Variants in PCDHGA11 observed in about 807,000 individuals in gnomAD.
The protein encoded by PCDHGA11 is protocadherin gamma subfamily A, 11.
A neutral mutation model predicts 60.4 loss-of-function variants in PCDHGA11; 39 were observed. The ratio of observed to expected loss-of-function variants is 0.65; its 90% CI spans 0.50 to 0.84. PCDHGA11 has a LOEUF of 0.84. Ranked by LOEUF, PCDHGA11 falls within the 40% of genes least tolerant of loss-of-function variation. PCDHGA11 has a pLI of 0.00. For missense variants in PCDHGA11, 1,165 were observed against 1,197.7 expected (o/e 0.97, Z 0.40); for synonymous variants, 533 against 510.3 (o/e 1.04, Z -0.60).
Position 141,511,002 on chromosome 5 carries a change from C to A in PCDHGA11, c.2637C>A (p.Ser879Arg), listed in dbSNP as rs143630962. The change falls in exon 4 of 4, where the codon AGC becomes AGA. Residue 879 changes from serine to arginine, a missense_variant. Physicochemically the swap from Ser to Arg is moderately radical, Grantham distance 110. Transcript: ENST00000398587. Reference protein sequence around the residue: ...LGGGAGTMGLSARYGPQFTLQ... With the variant: ...LGGGAGTMGLRARYGPQFTLQ... ...GGGGTGCCGGCACCATGGGATTGAG[C>A]GCCCGCTACGGACCCCAGTTCACCC... The A allele has an allele frequency of 8.7e-6, 14 of 1,614,140 alleles. No homozygotes were observed. The highest frequency in any genetic ancestry group is 1.2e-5 in the Non-Finnish European group (14 of 1,180,018).
chr5:141,477,571 C>A lies in PCDHGA11; in HGVS notation c.2434-17236C>A, dbSNP rs1470454976. ...TAAACCTAAGTGTCTGGGACCCCGA[C>A]GCCCCGCAGAATGCTCGGCTTTCTT... is the stretch of plus-strand genomic sequence containing the variant. On this transcript the variant is annotated intron_variant, in intron 1 of 3. Coordinates refer to ENST00000398587, the MANE Select transcript of PCDHGA11 (RefSeq NM_018914.3). The surrounding 1 kb of genome is among the most constrained non-coding windows in gnomAD (Gnocchi z 4.9). The A allele has an allele frequency of 3.1e-6, 5 of 1,614,042 alleles. No homozygotes were observed. In the South Asian group the frequency reaches 4.4e-5, roughly 14 times the overall value.
chr5:141,431,215 CCCTCTACCCCACG>C lies in PCDHGA11; in HGVS notation c.2433+7559_2433+7571del. The C allele has an allele frequency of 6.2e-7, 1 of 1,614,184 alleles. No homozygotes were observed. Among genetic ancestry groups the C allele is most frequent in the Non-Finnish European group, 8.5e-7 (1 of 1,180,048 alleles). On this transcript the variant is annotated intron_variant, in intron 1 of 3. Transcript: ENST00000398587. The surrounding 1 kb of genome is among the most constrained non-coding windows in gnomAD (Gnocchi z 4.8). ...AAAATGCAGCCACTGAGATGCGGTT[CCCTCTACCCCACG>C]CCTGGGATCCGGATATCGGGAAGAA... is the stretch of plus-strand genomic sequence containing the variant.
At position 141,487,447 on chromosome 5, in the gene PCDHGA11, C is replaced by A. The variant is rs758411138; in HGVS notation, c.2434-7360C>A. 4.3e-6 allele frequency: 7 copies of A among 1,614,182 alleles called. No homozygotes were observed. The highest frequency in any genetic ancestry group is 5.9e-6 in the Non-Finnish European group (7 of 1,180,028). Reference sequence around the variant, plus strand: ...TCCGAATCCAGCTAGGGTCAGATGACCCTATCAAGTTTGTTGATGTGGGAG... The same window carrying A: ...TCCGAATCCAGCTAGGGTCAGATGAACCTATCAAGTTTGTTGATGTGGGAG... On this transcript the variant is annotated intron_variant, in intron 1 of 3. Coordinates refer to ENST00000398587, the MANE Select transcript of PCDHGA11 (RefSeq NM_018914.3). The surrounding 1 kb of genome is among the most constrained non-coding windows in gnomAD (Gnocchi z 5.0).
chr5:141,486,019 T>C lies in PCDHGA11; in HGVS notation c.2434-8788T>C, dbSNP rs2078071. 3.2e-3 allele frequency: 5,143 copies of C among 1,613,986 alleles called. 141 individuals carry two copies. In the South Asian group the frequency reaches 0.046, roughly 14 times the overall value. ...GTGGTAACGTCACCTTTTATTTCAG[T>C]GGTCATACCCCTGATCGTGTAAGAA... On this transcript the variant is annotated intron_variant, in intron 1 of 3. Transcript: ENST00000398587. The surrounding 1 kb of genome is among the most constrained non-coding windows in gnomAD (Gnocchi z 5.0).
At chr5:141,483,706 C>T (rs1187078630) in intron 1 of PCDHGA11, among the ~76,000 whole-genome samples, 1 of 151,926 alleles carries the variant, frequency 6.6e-6, no homozygotes, top group African/African-American at 2.4e-5. Context: ...CTTTTTGACA[C>T]CAGAATATTG....
At chr5:141,510,626 AGGTG>A (rs2099882005) in intron 3 of PCDHGA11, among the ~76,000 whole-genome samples, 1 of 152,144 alleles carries the variant, frequency 6.6e-6, no homozygotes, top group Admixed American at 6.5e-5. Context: ...AAACCAGAAG[AGGTG>A]GTTACCATTA....
At chr5:141,441,744 G>A (rs913393900) in intron 1 of PCDHGA11, 7 of 366,408 alleles carry the variant, frequency 1.9e-5, no homozygotes, top group African/African-American at 1.1e-4. Context: ...GCTCGCGCTC[G>A]GCGTCAACGT....
rs1226463441 is a variant in PCDHGA11, at chr5:141,432,906, T to A, written c.2433+9246T>A. 6.2e-7 allele frequency: 1 copy of A among 1,614,176 alleles called. No individual in the cohort carries two copies. The highest frequency in any genetic ancestry group is 8.5e-7 in the Non-Finnish European group (1 of 1,180,002). ...GTCATCTTGCTGCTGGCGCTCAGGC[T>A]GCGGCGCTGGCACAAGTCACGCCTG... On this transcript the variant is annotated intron_variant, in intron 1 of 3. Coordinates refer to ENST00000398587, the MANE Select transcript of PCDHGA11 (RefSeq NM_018914.3). The surrounding 1 kb of genome is among the most constrained non-coding windows in gnomAD (Gnocchi z 6.0).
At chr5:141,481,390 G>A (rs553179819) in intron 1 of PCDHGA11, among the ~76,000 whole-genome samples, 2 of 152,346 alleles carry the variant, frequency 1.3e-5, no homozygotes, top group East Asian at 3.9e-4. Context: ...TTGGAGGGAT[G>A]TGACAAAATT....
chr5:141,487,475 C>A lies in PCDHGA11; in HGVS notation c.2434-7332C>A. 6.2e-7 allele frequency: 1 copy of A among 1,614,156 alleles called. No individual in the cohort carries two copies. The highest frequency in any genetic ancestry group is 8.5e-7 in the Non-Finnish European group (1 of 1,180,032). On this transcript the variant is annotated intron_variant, in intron 1 of 3. Transcript: ENST00000398587. This position sits in a 1 kb window ranked among gnomAD's most constrained non-coding sequence, Gnocchi z 5.0. ...TATCAAGTTTGTTGATGTGGGAGGC[C>A]ACTCTCATGGCTGTACACCCTTGGC...
In PCDHGA11 at chr5:141,422,727, G is replaced by T. The variant is rs373180311; in HGVS notation, c.1500G>T (p.Val500=). Residue 500 remains valine, a synonymous_variant, in exon 1 of 4, where the codon GTG becomes GTT. Transcript: ENST00000398587. ...YSLTDDTVQG[V]PLSSYVSINS... Reference sequence around the variant, plus strand: ...TGACGGATGACACTGTCCAGGGGGTGCCTCTGTCCTCCTATGTCTCTATTA... The same window carrying T: ...TGACGGATGACACTGTCCAGGGGGTTCCTCTGTCCTCCTATGTCTCTATTA... 102 of 1,606,434 alleles carry T rather than the reference G, an allele frequency of 6.3e-5. No individual in the cohort carries two copies. Among genetic ancestry groups the T allele is most frequent in the Non-Finnish European group, 2.0e-5 (23 of 1,175,776 alleles).
intron 1 of PCDHGA11, among the ~76,000 whole-genome samples, chr5:141,464,265 AAAAAAAAAAAAAGC>A (rs1446781862): frequency 7.4e-6 from 1 of 135,276 alleles, no homozygotes; most frequent in Non-Finnish European, 1.6e-5. Flanking sequence ...ACTCCGTCTA[AAAAAAAAAAAAAGC>A]AAAAAAAAAA....
In PCDHGA11 at chr5:141,511,036, G is replaced by T; in HGVS notation, c.2671G>T (p.Val891Leu). The T allele has an allele frequency of 1.2e-6, 2 of 1,614,200 alleles. No homozygotes were observed. The highest frequency in any genetic ancestry group is 1.7e-6 in the Non-Finnish European group (2 of 1,180,024). Residue 891 changes from valine to leucine, a missense_variant, in exon 4 of 4, where the codon GTG (valine) becomes TTG (leucine). Transcript: ENST00000398587. ...RYGPQFTLQHVPDYRQNVYIP... is the reference protein window; with the variant it reads ...RYGPQFTLQHLPDYRQNVYIP... Reference sequence around the variant, plus strand: ...CGGACCCCAGTTCACCCTGCAGCACGTGCCCGACTACCGCCAGAATGTCTA... The same window carrying T: ...CGGACCCCAGTTCACCCTGCAGCACTTGCCCGACTACCGCCAGAATGTCTA...
chr5:141,451,536 G>A (rs1183287437), intron 1 of PCDHGA11, among the ~76,000 whole-genome samples: 1 of 152,202 alleles, frequency 6.6e-6, no homozygotes, highest in Non-Finnish European at 1.5e-5. Context: ...GAGAGTGCCA[G>A]AGAGGGCAAA....
At chr5:141,453,932 C>T (rs57919166) in intron 1 of PCDHGA11, among the ~76,000 whole-genome samples, 2 of 152,296 alleles carry the variant, frequency 1.3e-5, no homozygotes, top group African/African-American at 4.8e-5. Context: ...TCACTGTGTG[C>T]CTATAATTTA....
Position 141,487,297 on chromosome 5 carries a change from C to T in PCDHGA11, c.2434-7510C>T, listed in dbSNP as rs770262058. ...TTTGCTTTGTCTCCTTTGGCTCATT[C>T]GTGGCACTACTCTCTAAGTGTCTTC... On this transcript the variant is annotated intron_variant, in intron 1 of 3. Coordinates refer to ENST00000398587, the MANE Select transcript of PCDHGA11 (RefSeq NM_018914.3). This position sits in a 1 kb window ranked among gnomAD's most constrained non-coding sequence, Gnocchi z 5.0. The T allele has an allele frequency of 3.2e-5, 52 of 1,613,984 alleles. No homozygotes were observed. The highest frequency in any genetic ancestry group is 4.0e-5 in the African/African-American group (3 of 74,912).
intron 2 of PCDHGA11, among the ~76,000 whole-genome samples, chr5:141,503,570 G>T (rs996006002): frequency 3.4e-4 from 50 of 147,216 alleles, no homozygotes; most frequent in African/African-American, 1.2e-3. Context: ...CTGTACTCCA[G>T]CCTGGGTGAC....
intron 1 of PCDHGA11, among the ~76,000 whole-genome samples, chr5:141,449,606 A>AG (rs1263111904): frequency 2.0e-5 from 3 of 150,702 alleles, no homozygotes; most frequent in Non-Finnish European, 3.0e-5. Flanking sequence ...AAAAAAAAAA[A>AG]AGTAAAAAAG....
At position 141,476,379 on chromosome 5, in the gene PCDHGA11, T is replaced by TTCA. The variant is rs768549633; in HGVS notation, c.2434-18428_2434-18427insTCA. 9 of 1,614,126 alleles carry TTCA rather than the reference T, an allele frequency of 5.6e-6. No homozygotes were observed. The East Asian group carries it at 2.0e-4, about 36-fold the overall frequency. ...AACCGGGAGACCGGAGAGATGTTTG[T>TTCA]GAACGACCGTCTGGATCGAGAGGAG... On this transcript the variant is annotated intron_variant, in intron 1 of 3. Transcript: ENST00000398587. This position sits in a 1 kb window ranked among gnomAD's most constrained non-coding sequence, Gnocchi z 7.6.
Sources: allele counts gnomAD v4.1 joint callset (sites outside exome capture counted in the v4.1 genomes callset), GRCh38; gene constraint gnomAD v4.1.1; non-coding constraint Gnocchi (gnomAD v3.1); transcripts MANE v1.5; gene names NCBI Gene and HGNC (gene_info 2026-07-23, HGNC 2026-07-21).